Variants in NKAIN2 observed in about 807,000 individuals in gnomAD.
The protein encoded by NKAIN2 is sodium/potassium transporting ATPase interacting 2.
NKAIN2 carries 14 observed loss-of-function variants against 32.6 expected under a neutral mutation model. The ratio of observed to expected loss-of-function variants is 0.43; its 90% CI spans 0.28 to 0.67. The LOEUF (loss-of-function observed/expected upper bound fraction) is 0.67. NKAIN2 is among the 30% of genes least tolerant of loss of function. The probability of loss-of-function intolerance (pLI) is 0.17; values close to 1 mark genes in which losing one functional copy is unlikely to be tolerated. For synonymous variants in NKAIN2, 80 were observed against 87.2 expected, an observed-to-expected ratio of 0.92 and a Z score of 0.46; for missense variants, 198 against 258.3, an observed-to-expected ratio of 0.77 and a Z score of 1.60.
At chr6:124,658,510 T>A in intron 4 of NKAIN2, 124 bp downstream of exon 4, 1 of 1,514,250 alleles carries the variant, frequency 6.6e-7, no homozygotes, top group East Asian at 2.4e-5. Context: ...TCCTCATTAA[T>A]GCGACTTTTA....
chr6:123,972,765 A>T (rs1778398940), intron 1 of NKAIN2, among the ~76,000 whole-genome samples: 1 of 152,100 alleles, frequency 6.6e-6, no homozygotes, highest in Admixed American at 6.6e-5. Flanking sequence ...TACCTTATTT[A>T]TTCTTTGACT....
intron 4 of NKAIN2, among the ~76,000 whole-genome samples, chr6:124,753,641 G>T (rs1777828220): frequency 6.6e-6 from 1 of 152,042 alleles, no homozygotes; most frequent in South Asian, 2.1e-4. Context: ...GTGATTAGAT[G>T]GCCACGATTG....
intron 3 of NKAIN2, among the ~76,000 whole-genome samples, chr6:124,460,725 T>G (rs1165956472): frequency 6.6e-6 from 1 of 151,718 alleles, no homozygotes; most frequent in African/African-American, 2.4e-5. Flanking sequence ...TGCTTTAAAT[T>G]TGGCTTACTA....
intron 4 of NKAIN2, among the ~76,000 whole-genome samples, chr6:124,689,811 T>C (rs986054851): frequency 1.3e-5 from 2 of 152,120 alleles, no homozygotes. Flanking sequence ...TTCTGTTCCA[T>C]TGATCTACTT....
At chr6:124,519,170 GC>G (rs1441857841) in intron 3 of NKAIN2, among the ~76,000 whole-genome samples, 1 of 152,144 alleles carries the variant, frequency 6.6e-6, no homozygotes, top group Non-Finnish European at 1.5e-5. Flanking sequence ...TTCAAAATTA[GC>G]TCAAGATGGG....
intron 3 of NKAIN2, among the ~76,000 whole-genome samples, chr6:124,584,450 G>T (rs180754822): frequency 6.6e-6 from 1 of 152,124 alleles, no homozygotes; most frequent in Non-Finnish European, 1.5e-5. Context: ...TCAGGAGTTC[G>T]AGATCAGCCT....
chr6:124,380,477 G>A (rs773242609), intron 3 of NKAIN2, among the ~76,000 whole-genome samples: 3 of 152,158 alleles, frequency 2.0e-5, no homozygotes, highest in Non-Finnish European at 2.9e-5. Flanking sequence ...TAAGAATTGA[G>A]TGTGCCATCC....
chr6:124,675,566 T>A lies in NKAIN2; in HGVS notation c.474+17180T>A, dbSNP rs551149435. 5.9e-5 allele frequency among the ~76,000 whole-genome samples: 9 copies of A among 152,234 alleles called. No homozygotes were observed. In the South Asian group the frequency reaches 1.9e-3, roughly 32 times the overall value. ...TCAGTTCAGATTTTCTATTTCTTGATAATTAAGTCTTGATAGATTATATAC... is the reference window on the plus strand; with the variant it reads ...TCAGTTCAGATTTTCTATTTCTTGAAAATTAAGTCTTGATAGATTATATAC... On this transcript the variant is annotated intron_variant, in intron 4 of 6. Transcript: ENST00000368417.
chr6:124,456,911 G>T (rs1034552976), intron 3 of NKAIN2, among the ~76,000 whole-genome samples: 4 of 151,390 alleles, frequency 2.6e-5, no homozygotes, highest in Non-Finnish European at 5.9e-5. Flanking sequence ...GCTGATTCTT[G>T]GGCCCTTAAT....
At chr6:124,726,670 G>A (rs537324940) in intron 4 of NKAIN2, among the ~76,000 whole-genome samples, 36 of 146,382 alleles carry the variant, frequency 2.5e-4, no homozygotes, top group East Asian at 2.0e-3. Flanking sequence ...CCAAAGGAAC[G>A]CAGTTCCTCA....
At chr6:124,820,455 CGTA>C (rs1484035610) in intron 6 of NKAIN2, among the ~76,000 whole-genome samples, 5 of 152,082 alleles carry the variant, frequency 3.3e-5, no homozygotes, top group African/African-American at 9.7e-5. Flanking sequence ...GCACATGAAA[CGTA>C]GGATATGTCA....
At chr6:123,978,640 AG>A (rs752962009) in intron 1 of NKAIN2, among the ~76,000 whole-genome samples, 1 of 152,106 alleles carries the variant, frequency 6.6e-6, no homozygotes, top group South Asian at 2.1e-4. Flanking sequence ...CACAACACAG[AG>A]GGTTTTAAAA....
intron 4 of NKAIN2, among the ~76,000 whole-genome samples, chr6:124,732,563 T>G (rs1002601761): frequency 1.3e-5 from 2 of 152,076 alleles, no homozygotes; most frequent in African/African-American, 4.8e-5. Context: ...GAGAGTGAGA[T>G]TCAATAATTT....
chr6:124,719,740 T>A (rs1253615293), intron 4 of NKAIN2, among the ~76,000 whole-genome samples: 4 of 147,682 alleles, frequency 2.7e-5, no homozygotes, highest in African/African-American at 5.0e-5. Flanking sequence ...AAAAAAAAAA[T>A]AGGAAAGTTT....
rs1412113688 is a variant in NKAIN2, at chr6:124,177,804, G to C, written c.55-105201G>C. Among the ~76,000 whole-genome samples, 3 of 17,778 alleles carry C rather than the reference G, an allele frequency of 1.7e-4. 1 individual carries two copies. The highest frequency in any genetic ancestry group is 5.2e-4 in the African/African-American group (3 of 5,818). The allele number at this position is 17,778 out of a possible 152,430, so 11.7% of individuals were successfully genotyped here. On this transcript the variant is annotated intron_variant, in intron 1 of 6. Coordinates refer to ENST00000368417, the MANE Select transcript of NKAIN2 (RefSeq NM_001040214.3). ...TTTTTTTTTTTTTTTTTTTTTTTGAGACGGAGTCTCGCTCTGTCGCCCAGG... is the reference window on the plus strand; with the variant it reads ...TTTTTTTTTTTTTTTTTTTTTTTGACACGGAGTCTCGCTCTGTCGCCCAGG...
intron 3 of NKAIN2, among the ~76,000 whole-genome samples, chr6:124,423,161 A>T (rs1774832808): frequency 6.6e-6 from 1 of 152,176 alleles, no homozygotes; most frequent in Non-Finnish European, 1.5e-5. Flanking sequence ...CAGTGCTGGA[A>T]ATTGAATTTT....
intron 1 of NKAIN2, among the ~76,000 whole-genome samples, chr6:124,244,138 G>A (rs1055827085): frequency 6.7e-5 from 10 of 149,300 alleles, no homozygotes; most frequent in Non-Finnish European, 1.3e-4. Flanking sequence ...TGTGCACATT[G>A]TGCAGGTTAG....
At chr6:124,697,488 G>T (rs1157080906) in intron 4 of NKAIN2, among the ~76,000 whole-genome samples, 1 of 152,050 alleles carries the variant, frequency 6.6e-6, no homozygotes, top group Non-Finnish European at 1.5e-5. Context: ...GCAGTTATGA[G>T]TACACTTCTG....
intron 1 of NKAIN2, among the ~76,000 whole-genome samples, chr6:123,838,035 G>A (rs1562210286): frequency 6.6e-6 from 1 of 152,042 alleles, no homozygotes; most frequent in Admixed American, 6.6e-5. Context: ...ACTTTGAAGT[G>A]GTGGACCATA....
Sources: allele counts gnomAD v4.1 joint callset (sites outside exome capture counted in the v4.1 genomes callset), GRCh38; gene constraint gnomAD v4.1.1; transcripts MANE v1.5; gene names NCBI Gene and HGNC (gene_info 2026-07-23, HGNC 2026-07-21).